RETREG1: variants seen among roughly 807,000 people sequenced by gnomAD.
RETREG1 encodes reticulophagy regulator 1.
In RETREG1, 44 loss-of-function variants were observed where a neutral mutation model predicts 54.8. The observed-to-expected ratio is 0.80, with a 90% CI of 0.63 to 1.03. RETREG1 has a LOEUF of 1.03. Among genes scored for constraint, RETREG1 ranks in the 50% least tolerant of loss-of-function variants. The pLI is 0.00. For missense variants in RETREG1, 554 were observed against 605.1 expected (o/e 0.92, Z 0.89); for synonymous variants, 217 against 238.5 (o/e 0.91, Z 0.83).
intron 4 of RETREG1, 121 bp from the exon 5 acceptor site, chr5:16,481,214 C>T (rs1391225396): frequency 1.3e-6 from 1 of 769,298 alleles, no homozygotes; most frequent in East Asian, 2.7e-5. Context: ...CTGGTTATTA[C>T]AGATTTTTTC....
intron 1 of RETREG1, among the ~76,000 whole-genome samples, chr5:16,581,054 C>T (rs1383173362): frequency 6.6e-6 from 1 of 152,188 alleles, no homozygotes; most frequent in Admixed American, 6.5e-5. Flanking sequence ...ATGTTCAGGC[C>T]TTCTCAAGGG....
At position 16,593,251 on chromosome 5, in the gene RETREG1, G is replaced by A. The variant is rs1293039901; in HGVS notation, c.321-21149C>T. 6.6e-6 allele frequency among the ~76,000 whole-genome samples: 1 copy of A among 152,046 alleles called. No individual in the cohort carries two copies. The highest frequency in any genetic ancestry group is 1.5e-5 in the Non-Finnish European group (1 of 68,014). On this transcript the variant is annotated intron_variant, in intron 1 of 8. Transcript: ENST00000306320. The surrounding 1 kb of genome is among the most constrained non-coding windows in gnomAD (Gnocchi z 4.9). ...CGGAGTGATGTGTTTTCCTTTCAGA[G>A]CACGCCTTCTGACTCCCACTTGTAT...
intron 1 of RETREG1, among the ~76,000 whole-genome samples, chr5:16,604,311 C>G (rs1427204697): frequency 6.6e-6 from 1 of 152,074 alleles, no homozygotes; most frequent in African/African-American, 2.4e-5. Flanking sequence ...ATCCTCTGAG[C>G]CCCAATATCC....
At chr5:16,540,824 G>T (rs1741217719) in intron 3 of RETREG1, among the ~76,000 whole-genome samples, 1 of 152,140 alleles carries the variant, frequency 6.6e-6, no homozygotes, top group Non-Finnish European at 1.5e-5. Context: ...ATGTTCAGTG[G>T]CTGGCTAATT....
intron 1 of RETREG1, among the ~76,000 whole-genome samples, chr5:16,574,307 T>G (rs1438956082): frequency 1.3e-5 from 2 of 152,076 alleles, no homozygotes; most frequent in African/African-American, 2.4e-5. Context: ...GAATGCGCAG[T>G]AAGTCTTATG....
chr5:16,497,962 T>C (rs1739536786), intron 3 of RETREG1, among the ~76,000 whole-genome samples: 1 of 152,228 alleles, frequency 6.6e-6, no homozygotes, highest in Admixed American at 6.5e-5. Context: ...CAATGTTTGT[T>C]GTACCTTAGT....
intron 3 of RETREG1, among the ~76,000 whole-genome samples, chr5:16,498,703 C>A (rs1171236854): frequency 2.0e-5 from 3 of 152,152 alleles, no homozygotes; most frequent in African/African-American, 7.2e-5. Context: ...CACAGAGAGA[C>A]CCTGTCTCAA....
chr5:16,611,043 T>A (rs1743327813), intron 1 of RETREG1, among the ~76,000 whole-genome samples: 1 of 152,196 alleles, frequency 6.6e-6, no homozygotes, highest in Admixed American at 6.5e-5. Context: ...TAAGAAAATG[T>A]GGCACATATT....
intron 4 of RETREG1, 106 bp from the exon 5 acceptor site, chr5:16,481,199 C>T (rs1738759010): frequency 1.2e-6 from 1 of 859,022 alleles, no homozygotes; most frequent in Admixed American, 2.0e-5. Context: ...GTATAAGTGA[C>T]CTATCTGGTT....
intron 1 of RETREG1, among the ~76,000 whole-genome samples, chr5:16,580,243 G>A (rs1301159483): frequency 6.6e-6 from 1 of 152,078 alleles, no homozygotes; most frequent in Non-Finnish European, 1.5e-5. Flanking sequence ...GCTATTGATC[G>A]GTACTGGAGT....
chr5:16,488,855 T>A (rs1739127401), intron 3 of RETREG1, among the ~76,000 whole-genome samples: 1 of 151,684 alleles, frequency 6.6e-6, no homozygotes, highest in Admixed American at 6.6e-5. Context: ...GAGGCCGAGG[T>A]GGGCAGATCA....
chr5:16,562,140 A>C (rs1741870854), intron 3 of RETREG1, among the ~76,000 whole-genome samples: 1 of 152,076 alleles, frequency 6.6e-6, no homozygotes, highest in Non-Finnish European at 1.5e-5. Flanking sequence ...ACATGGAGAA[A>C]CCCCATCTCT....
chr5:16,522,297 C>T (rs901724252), intron 3 of RETREG1, among the ~76,000 whole-genome samples: 4 of 152,014 alleles, frequency 2.6e-5, no homozygotes, highest in Admixed American at 1.3e-4. Context: ...ATCTAATGGG[C>T]TTTCATTTCC....
intron 3 of RETREG1, among the ~76,000 whole-genome samples, chr5:16,559,131 C>A (rs1741788932): frequency 6.6e-6 from 1 of 152,188 alleles, no homozygotes; most frequent in South Asian, 2.1e-4. Flanking sequence ...AACCCCTCCG[C>A]CTACTTGAAA....
At chr5:16,493,759 C>CA (rs955168775) in intron 3 of RETREG1, among the ~76,000 whole-genome samples, 17 of 146,728 alleles carry the variant, frequency 1.2e-4, no homozygotes, top group African/African-American at 2.2e-4. Context: ...TCCTACAGCA[C>CA]AAAAAAAAAA....
intron 3 of RETREG1, among the ~76,000 whole-genome samples, chr5:16,552,896 A>C (rs1324680062): frequency 1.3e-5 from 2 of 152,316 alleles, no homozygotes; most frequent in East Asian, 3.9e-4. Context: ...AGCTTCTCTG[A>C]AACAGATGTC....
At chr5:16,611,151 G>A (rs1470956355) in intron 1 of RETREG1, among the ~76,000 whole-genome samples, 1 of 151,982 alleles carries the variant, frequency 6.6e-6, no homozygotes, top group Non-Finnish European at 1.5e-5. Context: ...ACTATCACAA[G>A]GACAAAAAAA....
rs967324946 is a variant in RETREG1, at chr5:16,616,242, G to A, written c.320+410C>T. ...CCGTTTTGAACGGGTACCTAATCTG[G>A]TCCAGATATGCCTGCTGGGGCTGCA... On this transcript the variant is annotated intron_variant, in intron 1 of 8. Transcript: ENST00000306320. 9 of 194,192 alleles carry A rather than the reference G, an allele frequency of 4.6e-5. No homozygotes were observed. The South Asian group carries it at 8.6e-4, about 19-fold the overall frequency. The allele number at this position is 194,192 out of a possible 1,614,324, so 12.0% of individuals were successfully genotyped here.
intron 6 of RETREG1, among the ~76,000 whole-genome samples, chr5:16,478,561 C>A (rs1329816744): frequency 6.6e-6 from 1 of 152,046 alleles, no homozygotes; most frequent in Non-Finnish European, 1.5e-5. Flanking sequence ...GATAGTCCAA[C>A]CCAAAATAAA....
Sources: gnomAD v4.1 joint callset for allele counts (sites outside exome capture counted in the v4.1 genomes callset) on GRCh38, gnomAD v4.1.1 for gene constraint, Gnocchi (gnomAD v3.1) non-coding constraint, MANE v1.5 for transcripts, NCBI Gene and HGNC (gene_info 2026-07-23, HGNC 2026-07-21) for gene names.